The following STARD8 variants were observed in gnomAD, a reference collection of about 807,000 sequenced individuals.
STARD8 encodes stAR-related lipid transfer protein 8.
In STARD8, 25 loss-of-function variants were observed where a neutral mutation model predicts 69.4. The observed-to-expected ratio is 0.36, with a 90% confidence interval of 0.26 to 0.50. The LOEUF is 0.50. Ranked by LOEUF, STARD8 falls within the 20% of genes least tolerant of loss-of-function variation. The pLI is 0.96. For synonymous variants in STARD8, 389 were observed against 374.6 expected, an observed-to-expected ratio of 1.04 and a Z score of -0.45; for missense variants, 921 against 932.5, an observed-to-expected ratio of 0.99 and a Z score of 0.16.
chrX:68,653,007 A>C (rs1602534594), intron 1 of STARD8, among the ~76,000 whole-genome samples: 9 of 13,312 alleles, frequency 6.8e-4, no homozygotes, highest in Non-Finnish European at 7.5e-4. Flanking sequence ...CCACACACAC[A>C]CCACCACACA....
chrX:68,719,711 A>G (rs1223927511), intron 7 of STARD8, among the ~76,000 whole-genome samples: 5 of 112,100 alleles, frequency 4.5e-5, no homozygotes, highest in Non-Finnish European at 7.5e-5. Flanking sequence ...CCCTCCCACC[A>G]TGACTCCTTC....
intron 2 of STARD8, among the ~76,000 whole-genome samples, chrX:68,678,027 C>T (rs1032663897): frequency 1.8e-5 from 2 of 110,840 alleles, no homozygotes; most frequent in Admixed American, 9.6e-5. Flanking sequence ...GAAACTGAGA[C>T]CCAGAAAAGG....
chrX:68,723,808 G>A lies in STARD8; in HGVS notation c.2982G>A (p.Met994Ile). Residue 994 changes from methionine to isoleucine, a missense_variant, in exon 13 of 15, where the codon ATG becomes ATA. Coordinates refer to ENST00000374599, the MANE Select transcript of STARD8 (RefSeq NM_001142503.3). ...TGTACCACTATGTCACCGACAGCAT[G>A]GCACCCCATCCCTGCCGCGACTTTG... ...VELYHYVTDSMAPHPCRDFVV... is the reference protein window; with the variant it reads ...VELYHYVTDSIAPHPCRDFVV... 8.4e-7 allele frequency: 1 copy of A among 1,185,993 alleles called. No homozygotes were observed. The highest frequency in any genetic ancestry group is 1.1e-6 in the Non-Finnish European group (1 of 882,591).
At chrX:68,709,030 G>C in intron 2 of STARD8, among the ~76,000 whole-genome samples, 1 of 111,619 alleles carries the variant, frequency 9.0e-6, no homozygotes, top group East Asian at 2.9e-4. Context: ...GAGCACCTCA[G>C]TTCAGCCTTT....
rs1467786348 is a variant in STARD8, at chrX:68,661,947, T to C, written c.46-3552T>C. On this transcript the variant is annotated intron_variant, in intron 1 of 14. Coordinates refer to ENST00000374599, the MANE Select transcript of STARD8 (RefSeq NM_001142503.3). ...CTTCCTTCCCTCCCTCCCTCCTTCCTCTCTCTCTCTCTCTCTCTCTCTCTC... is the reference window on the plus strand; with the variant it reads ...CTTCCTTCCCTCCCTCCCTCCTTCCCCTCTCTCTCTCTCTCTCTCTCTCTC... Among the ~76,000 whole-genome samples, 16 of 63,356 alleles carry C rather than the reference T, an allele frequency of 2.5e-4. No homozygotes were observed. The East Asian group carries it at 7.7e-3, about 31-fold the overall frequency. The allele number at this position is 63,356 out of a possible 115,157, so 55.0% of individuals were successfully genotyped here.
In STARD8 at chrX:68,718,059, G is replaced by A. The variant is rs1275785121; in HGVS notation, c.1145G>A (p.Gly382Glu). 4 of 1,211,188 alleles carry A rather than the reference G, an allele frequency of 3.3e-6. No homozygotes were observed. Among genetic ancestry groups the A allele is most frequent in the Non-Finnish European group, 4.5e-6 (4 of 895,249 alleles). Residue 382 changes from glycine (G) to glutamate (E), a missense_variant, in exon 6 of 15, where the codon GGG becomes GAG. Gly to Glu is a moderately conservative substitution (Grantham distance 98). Coordinates refer to ENST00000374599, the MANE Select transcript of STARD8 (RefSeq NM_001142503.3). ...GAAGATGAAGATGATGAGGAGAGTG[G>A]GGGCAGCTATGCTCACCTAGACGAC... Reference protein sequence around the residue: ...EAEDEDDEESGGSYAHLDDIL... With the variant: ...EAEDEDDEESEGSYAHLDDIL...
chrX:68,715,804 G>T (rs759652846), intron 4 of STARD8, among the ~76,000 whole-genome samples: 1 of 111,446 alleles, frequency 9.0e-6, no homozygotes, highest in Admixed American at 9.5e-5. Context: ...ATCCACCAGC[G>T]TCGCATTGTA....
At chrX:68,650,540 G>A (rs1391275158) in intron 1 of STARD8, among the ~76,000 whole-genome samples, 2 of 105,965 alleles carry the variant, frequency 1.9e-5, no homozygotes, top group Admixed American at 1.0e-4. Context: ...ATGGTGTCAC[G>A]CCTGTAATCC....
intron 1 of STARD8, among the ~76,000 whole-genome samples, chrX:68,661,970 C>CTCTTTCTT (rs1169605331): frequency 0.024 from 1,334 of 55,988 alleles, 29 homozygotes; most frequent in East Asian, 0.045. Flanking sequence ...CTCTCTCTCT[C>CTCTTTCTT]TCTTTCTTTC....
intron 1 of STARD8, among the ~76,000 whole-genome samples, chrX:68,664,228 T>C (rs1356189966): frequency 1.8e-5 from 2 of 110,873 alleles, no homozygotes; most frequent in Non-Finnish European, 3.8e-5. Context: ...TTCTTTCTTT[T>C]CTCTCCTCCT....
chrX:68,668,266 CTTTCTTTCTCTTTCTT>C (rs2079704093), intron 2 of STARD8, among the ~76,000 whole-genome samples: 1 of 79,022 alleles, frequency 1.3e-5, no homozygotes, highest in African/African-American at 5.7e-5. Flanking sequence ...TTCTTTCTTT[CTTTCTTTCTCTTTCTT>C]TCTTTCTTTC....
chrX:68,712,189 G>A (rs763004598), intron 2 of STARD8, among the ~76,000 whole-genome samples: 2 of 111,590 alleles, frequency 1.8e-5, no homozygotes, highest in Non-Finnish European at 3.8e-5. Flanking sequence ...ATGACACTCA[G>A]CACTGCACTA....
chrX:68,653,409 A>C (rs2079585999), intron 1 of STARD8, among the ~76,000 whole-genome samples: 1 of 64,017 alleles, frequency 1.6e-5, no homozygotes, highest in Non-Finnish European at 2.9e-5. Context: ...CACACCACAC[A>C]CACCACACCA....
chrX:68,722,870 A>C (rs576587417), intron 12 of STARD8, among the ~76,000 whole-genome samples: 1 of 112,520 alleles, frequency 8.9e-6, no homozygotes. Context: ...TGCCAGAATG[A>C]CCTTCCAAAA....
intron 2 of STARD8, among the ~76,000 whole-genome samples, chrX:68,711,442 G>T (rs1193728921): frequency 9.0e-6 from 1 of 111,518 alleles, no homozygotes; most frequent in Non-Finnish European, 1.9e-5. Flanking sequence ...GCACTGACCT[G>T]TTGCATTCAC....
chrX:68,653,311 C>CA (rs2079582160), intron 1 of STARD8, among the ~76,000 whole-genome samples: 1 of 20,604 alleles, frequency 4.9e-5, no homozygotes, highest in African/African-American at 1.5e-4. Context: ...ACACACCACA[C>CA]CACACACCAC....
intron 8 of STARD8, 75 bp from the exon 9 acceptor site, chrX:68,720,849 T>A: frequency 7.7e-6 from 8 of 1,038,104 alleles, no homozygotes; most frequent in Non-Finnish European, 1.1e-5. Flanking sequence ...TGACACCCAG[T>A]CTAGGGCTGG....
chrX:68,719,452 C>G, intron 7 of STARD8, 54 bp downstream of exon 7: 1 of 1,101,846 alleles, frequency 9.1e-7, no homozygotes, highest in Non-Finnish European at 1.2e-6. Context: ...AGGTCCACGT[C>G]CCCAGGCAGG....
rs1569373421 is a variant in STARD8, at chrX:68,720,294, G to T, written c.1920G>T (p.Lys640Asn). The change falls in exon 8 of 15, where the codon AAG becomes AAT. Residue 640 changes from lysine (K) to asparagine (N), a missense_variant. Coordinates refer to ENST00000374599, the MANE Select transcript of STARD8 (RefSeq NM_001142503.3). The stretch of plus-strand genomic sequence containing the variant: ...TGCCCAAGTTCATGAGGAGGAACAA[G>T]ACCCCAGATTACCGGGGACAGCACG... ...WSMPKFMRRNKTPDYRGQHVF... is the reference protein window; with the variant it reads ...WSMPKFMRRNNTPDYRGQHVF... 8.3e-7 allele frequency: 1 copy of T among 1,205,702 alleles called. No individual in the cohort carries two copies. Among genetic ancestry groups the T allele is most frequent in the Non-Finnish European group, 1.1e-6 (1 of 892,189 alleles).
Sources: gnomAD v4.1 joint callset for allele counts (sites outside exome capture counted in the v4.1 genomes callset) on GRCh38, gnomAD v4.1.1 for gene constraint, MANE v1.5 for transcripts, NCBI Gene and HGNC (gene_info 2026-07-23, HGNC 2026-07-21) for gene names.